Variants in CDH23 observed in about 807,000 individuals in gnomAD.
CDH23 encodes cadherin related 23, also known as cadherin-23.
In CDH23, 189 loss-of-function variants were observed where a neutral mutation model predicts 317.1. The ratio of observed to expected loss-of-function variants is 0.60; its 90% CI spans 0.53 to 0.67. CDH23 has a LOEUF of 0.67. Among genes scored for constraint, CDH23 ranks in the 30% least tolerant of loss-of-function variants. The pLI, the probability that CDH23 is intolerant of heterozygous loss-of-function variation, is 0.00. For synonymous variants in CDH23, 1,839 were observed against 1,876.8 expected (o/e 0.98, Z 0.52); for missense variants, 4,401 against 4,592.4 (o/e 0.96, Z 1.20).
intron 66 of CDH23, 143 bp downstream of exon 66, chr10:71,812,158 C>T (rs1372638128): frequency 1.9e-6 from 3 of 1,588,652 alleles, no homozygotes; most frequent in Non-Finnish European, 2.6e-6. Context: ...CCTCCCTTCA[C>T]CCTCCCTCCA....
At chr10:71,644,900 C>T (rs561680094) in intron 12 of CDH23, among the ~76,000 whole-genome samples, 4 of 152,302 alleles carry the variant, frequency 2.6e-5, no homozygotes, top group East Asian at 1.9e-4. Context: ...AGTCTGGGGG[C>T]GCAGGTGATC....
intron 14 of CDH23, among the ~76,000 whole-genome samples, chr10:71,658,681 T>C (rs1863519130): frequency 6.6e-6 from 1 of 152,168 alleles, no homozygotes; most frequent in Non-Finnish European, 1.5e-5. Context: ...TCTGTACCCA[T>C]TGTGTAGAAG....
intron 6 of CDH23, among the ~76,000 whole-genome samples, chr10:71,544,048 C>T (rs117418211): frequency 0.011 from 1,749 of 152,324 alleles, 9 homozygotes; most frequent in Middle Eastern, 0.034. Flanking sequence ...GCCTCGTCCT[C>T]GTGGGGCAGG....
At chr10:71,784,565 T>C in intron 42 of CDH23, 145 bp downstream of exon 42, 3 of 1,115,430 alleles carry the variant, frequency 2.7e-6, no homozygotes, top group Non-Finnish European at 3.8e-6. Flanking sequence ...GGGCCCTTAA[T>C]AGACCTCTCG....
At position 71,665,802 on chromosome 10, in the gene CDH23, C is replaced by T. The variant is rs574361822; in HGVS notation, c.1450-9310C>T. On this transcript the variant is annotated intron_variant, in intron 14 of 69. Coordinates refer to ENST00000224721, the MANE Select transcript of CDH23 (RefSeq NM_022124.6). The stretch of plus-strand genomic sequence containing the variant: ...CAGTGGGATTTCCATGACTTTGCAC[C>T]TGGCCACAAATCCCTTTGGAGGCTT... Among the ~76,000 whole-genome samples the T allele has an allele frequency of 4.6e-5, 7 of 152,342 alleles. No homozygotes were observed. The East Asian group carries it at 9.6e-4, about 21-fold the overall frequency.
chr10:71,541,919 A>C (rs1200771319), intron 6 of CDH23, among the ~76,000 whole-genome samples: 1 of 152,226 alleles, frequency 6.6e-6, no homozygotes, highest in African/African-American at 2.4e-5. Context: ...TTTGCTAAGC[A>C]CTTAAAAATG....
rs373581926 is a variant in CDH23, at chr10:71,811,801, G to A, written c.9319+48G>A. ...ACACAGGTGAGAAGGCAGTGGGCTG[G>A]GGACCTGGAGTGCCCACCGGAGCCA... On this transcript the variant is annotated intron_variant, in intron 65 of 69. Coordinates refer to ENST00000224721, the MANE Select transcript of CDH23 (RefSeq NM_022124.6). The A allele has an allele frequency of 6.0e-5, 92 of 1,533,118 alleles. No homozygotes were observed. In the African/African-American group the frequency reaches 1.4e-3, roughly 23 times the overall value. The allele number at this position is 1,533,118 out of a possible 1,614,324, so 95.0% of individuals were successfully genotyped here.
chr10:71,447,821 C>T (rs1442488731), intron 3 of CDH23, among the ~76,000 whole-genome samples: 4 of 152,190 alleles, frequency 2.6e-5, no homozygotes, highest in African/African-American at 9.6e-5. Context: ...ACTTGTAACA[C>T]ACCTGTATTC....
At chr10:71,573,721 G>A (rs1040055560) in intron 8 of CDH23, among the ~76,000 whole-genome samples, 1 of 152,260 alleles carries the variant, frequency 6.6e-6, no homozygotes, top group Non-Finnish European at 1.5e-5. Flanking sequence ...TCTGGGTGGT[G>A]CAGGTTTCAG....
intron 6 of CDH23, among the ~76,000 whole-genome samples, chr10:71,547,764 G>A (rs1408113446): frequency 1.3e-5 from 2 of 152,202 alleles, no homozygotes; most frequent in African/African-American, 2.4e-5. Context: ...TCATGGAGCC[G>A]GGGACACAGT....
At position 71,694,163 on chromosome 10, in the gene CDH23, G is replaced by A. The variant is rs397517315; in HGVS notation, c.2193G>A (p.Thr731=). ...INARSGEITT[T]SLLDRETKSE... ...CTCTGGCAGGGGAAATCACCACCAC[G>A]TCTCTGCTTGACCGAGAGACCAAGT... Residue 731 remains threonine, a synonymous_variant, in exon 21 of 70, where the codon ACG becomes ACA. Transcript: ENST00000224721. 1.7e-5 allele frequency: 27 copies of A among 1,605,744 alleles called. No individual in the cohort carries two copies. The highest frequency in any genetic ancestry group is 9.0e-5 in the East Asian group (4 of 44,380).
At chr10:71,622,979 A>G in intron 11 of CDH23, 3 of 984,746 alleles carry the variant, frequency 3.0e-6, no homozygotes, top group Non-Finnish European at 3.6e-6. Context: ...GCTGAAACTT[A>G]CGCAGGTTGG....
In CDH23 at chr10:71,722,889, C is replaced by T. The variant is rs1236457739; in HGVS notation, c.3370-1156C>T. Among the ~76,000 whole-genome samples, 10 of 152,096 alleles carry T rather than the reference C, an allele frequency of 6.6e-5. No individual in the cohort carries two copies. In the East Asian group the frequency reaches 1.5e-3, roughly 24 times the overall value. On this transcript the variant is annotated intron_variant, in intron 28 of 69. Coordinates refer to ENST00000224721, the MANE Select transcript of CDH23 (RefSeq NM_022124.6). ...AGGAGAGAGTGGTGGGAAGTGGGGC[C>T]CAGGGATGTGCAAGAGAGGGGCTGT...
At chr10:71,446,872 C>T (rs941567591) in intron 3 of CDH23, among the ~76,000 whole-genome samples, 2 of 152,244 alleles carry the variant, frequency 1.3e-5, no homozygotes, top group African/African-American at 4.8e-5. Flanking sequence ...TGGCCCCCTA[C>T]TGAGGGCCTG....
chr10:71,691,167 C>T (rs1865171404), intron 20 of CDH23, among the ~76,000 whole-genome samples: 1 of 152,236 alleles, frequency 6.6e-6, no homozygotes, highest in East Asian at 1.9e-4. Flanking sequence ...TAACTCTCTT[C>T]TTTCTTCTTC....
chr10:71,660,297 A>G (rs1383307087), intron 14 of CDH23, among the ~76,000 whole-genome samples: 1 of 152,162 alleles, frequency 6.6e-6, no homozygotes, highest in Non-Finnish European at 1.5e-5. Flanking sequence ...TGTATCAACA[A>G]TGAGCCAGTA....
At position 71,778,085 on chromosome 10, in the gene CDH23, C is replaced by G. The variant is rs190159358; in HGVS notation, c.5068-104C>G. 31 of 1,523,022 alleles carry G rather than the reference C, an allele frequency of 2.0e-5. 1 individual carries two copies. The African/African-American group carries it at 3.8e-4, about 19-fold the overall frequency. The allele number at this position is 1,523,022 out of a possible 1,614,324, so 94.3% of individuals were successfully genotyped here. On this transcript the variant is annotated intron_variant, in intron 39 of 69. Coordinates refer to ENST00000224721, the MANE Select transcript of CDH23 (RefSeq NM_022124.6). ...CTGGGCTAGGGGGTGGCAGTGGTTC[C>G]CCATCACAGCTCCAATGTCAGGGCC...
chr10:71,680,830 T>C (rs955011834), intron 17 of CDH23, among the ~76,000 whole-genome samples: 2 of 39,746 alleles, frequency 5.0e-5, no homozygotes, highest in Non-Finnish European at 7.6e-5. Context: ...TTTCTTTTTC[T>C]TTTTTTTTTT....
At chr10:71,778,056 G>A (rs1840859624) in intron 39 of CDH23, 133 bp from the exon 40 acceptor site, 3 of 1,453,094 alleles carry the variant, frequency 2.1e-6, no homozygotes, top group Non-Finnish European at 2.8e-6. Context: ...TGGTGGAGTG[G>A]AGCCTGGGCT....
Sources: gnomAD v4.1 joint callset for allele counts (sites outside exome capture counted in the v4.1 genomes callset) on GRCh38, gnomAD v4.1.1 for gene constraint, MANE v1.5 for transcripts, NCBI Gene and HGNC (gene_info 2026-07-23, HGNC 2026-07-21) for gene names.